LRRIQ1: variants seen among roughly 807,000 people sequenced by gnomAD.
LRRIQ1 encodes leucine-rich repeat- and IQ domain-containing protein 1.
A neutral mutation model predicts 211.9 loss-of-function variants in LRRIQ1; 210 were observed. The ratio of observed to expected loss-of-function variants is 0.99; its 90% CI spans 0.89 to 1.11. LRRIQ1 has a LOEUF of 1.11. Ranked by LOEUF, LRRIQ1 falls within the 50% of genes most tolerant of loss-of-function variation. The pLI is 0.00. For synonymous variants in LRRIQ1, 699 were observed against 650.1 expected (o/e 1.08, Z -1.14); for missense variants, 2,136 against 1,939.5 (o/e 1.10, Z -1.90).
At position 85,229,530 on chromosome 12, in the gene LRRIQ1, C is replaced by A. The variant is rs1894830865; in HGVS notation, c.4836C>A (p.Asp1612Glu). ...TTTCTTTCACAGGTATAGAAGAAGA[C>A]CCTATCCACAAAGATACCACTGCAA... ...RDGYFEGIEE[D>E]PIHKDTTANE... Residue 1612 changes from aspartate to glutamate, a missense_variant, in exon 25 of 27, where the codon GAC (aspartate) becomes GAA (glutamate). Transcript: ENST00000393217. 4 of 1,609,622 alleles carry A rather than the reference C, an allele frequency of 2.5e-6. No homozygotes were observed. Among genetic ancestry groups the A allele is most frequent in the East Asian group, 2.2e-5 (1 of 44,776 alleles).
At chr12:85,058,878 C>T (rs187422722) in intron 8 of LRRIQ1, among the ~76,000 whole-genome samples, 1 of 152,092 alleles carries the variant, frequency 6.6e-6, no homozygotes, top group Non-Finnish European at 1.5e-5. Flanking sequence ...TTCTAAAGGG[C>T]ACCATAATCC....
Position 85,254,349 on chromosome 12 carries a change from G to A in LRRIQ1, c.122-8566G>A, listed in dbSNP as rs1398373247. Among the ~76,000 whole-genome samples the A allele has an allele frequency of 4.6e-5, 7 of 152,108 alleles. No homozygotes were observed. In the East Asian group the frequency reaches 1.4e-3, roughly 29 times the overall value. On this transcript the variant is annotated intron_variant, in intron 1 of 1. Coordinates refer to the LRRIQ1 transcript ENST00000602731. The stretch of plus-strand genomic sequence containing the variant: ...GAAAAAAGTTTTTCCAAAGCTCCAT[G>A]ATGTTTAACTAGCATTTTGAACATT...
intron 24 of LRRIQ1, among the ~76,000 whole-genome samples, chr12:85,194,000 A>C (rs1892745636): frequency 7.3e-6 from 1 of 137,042 alleles, no homozygotes; most frequent in Non-Finnish European, 1.6e-5. Flanking sequence ...AATGGAAAAC[A>C]AAAAAAGGCA....
chr12:85,211,617 A>C (rs370560355), intron 24 of LRRIQ1, among the ~76,000 whole-genome samples: 1 of 152,182 alleles, frequency 6.6e-6, no homozygotes, highest in Non-Finnish European at 1.5e-5. Flanking sequence ...GAAATAACAA[A>C]GTGACAGTTA....
At chr12:85,223,032 G>A (rs1018439408) in intron 24 of LRRIQ1, among the ~76,000 whole-genome samples, 61 of 152,244 alleles carry the variant, frequency 4.0e-4, no homozygotes, top group African/African-American at 1.4e-3. Flanking sequence ...ATTGACTACA[G>A]ACTGAGTAAT....
intron 26 of LRRIQ1, among the ~76,000 whole-genome samples, chr12:85,235,506 C>T (rs112010822): frequency 2.8e-4 from 43 of 152,126 alleles, no homozygotes; most frequent in African/African-American, 9.9e-4. Context: ...TTTGGGTTGT[C>T]CTAGCTTGAG....
intron 11 of LRRIQ1, among the ~76,000 whole-genome samples, chr12:85,088,081 C>G (rs1380126295): frequency 3.9e-5 from 6 of 152,110 alleles, no homozygotes; most frequent in Non-Finnish European, 8.8e-5. Flanking sequence ...GGTTTTAGGT[C>G]TAACATGTAA....
At chr12:85,234,715 C>T (rs1008980736) in intron 26 of LRRIQ1, among the ~76,000 whole-genome samples, 1 of 152,028 alleles carries the variant, frequency 6.6e-6, no homozygotes, top group Non-Finnish European at 1.5e-5. Flanking sequence ...AAAGAAAAAA[C>T]CACTGCAACT....
intron 3 of LRRIQ1, among the ~76,000 whole-genome samples, chr12:85,040,856 C>A (rs1380851663): frequency 1.3e-5 from 2 of 151,334 alleles, no homozygotes; most frequent in Non-Finnish European, 3.0e-5. Context: ...TACCAGACAT[C>A]CTATTATTTT....
intron 11 of LRRIQ1, among the ~76,000 whole-genome samples, chr12:85,087,138 T>TG (rs1884914364): frequency 2.6e-5 from 4 of 151,730 alleles, no homozygotes; most frequent in African/African-American, 9.7e-5. Context: ...TCCCCCATCC[T>TG]GTGTCCAAGT....
chr12:85,057,507 A>AAACT (rs959385863), intron 8 of LRRIQ1, among the ~76,000 whole-genome samples: 4 of 152,050 alleles, frequency 2.6e-5, no homozygotes, highest in Non-Finnish European at 5.9e-5. Context: ...TTATAGTAGG[A>AAACT]AACTCCTAAG....
chr12:85,191,646 G>C (rs1892516122), intron 24 of LRRIQ1, among the ~76,000 whole-genome samples: 1 of 151,968 alleles, frequency 6.6e-6, no homozygotes. Flanking sequence ...TAAAATTTTT[G>C]TGAGTGCACA....
intron 8 of LRRIQ1, among the ~76,000 whole-genome samples, chr12:85,062,626 T>C (rs886147528): frequency 2.0e-5 from 3 of 151,582 alleles, no homozygotes; most frequent in Admixed American, 6.6e-5. Flanking sequence ...GTTGATTCCA[T>C]GTCTTTGGTA....
intron 11 of LRRIQ1, among the ~76,000 whole-genome samples, chr12:85,081,111 A>G (rs145476536): frequency 1.4e-4 from 22 of 152,248 alleles, no homozygotes; most frequent in African/African-American, 5.1e-4. Flanking sequence ...GCTGATCCCA[A>G]CCAAAAGTAA....
chr12:85,175,884 T>C (rs1891674583), intron 24 of LRRIQ1, among the ~76,000 whole-genome samples: 2 of 152,186 alleles, frequency 1.3e-5, no homozygotes, highest in African/African-American at 4.8e-5. Flanking sequence ...TTGGTACCAG[T>C]ACCATGCTTT....
At chr12:85,162,758 C>G (rs1384354413) in intron 24 of LRRIQ1, 3 of 455,834 alleles carry the variant, frequency 6.6e-6, no homozygotes, top group African/African-American at 6.0e-5. Context: ...TTTCTTTCCC[C>G]CAAGTGAATT....
At chr12:85,254,023 C>G (rs993355176) in intron 1 of LRRIQ1, among the ~76,000 whole-genome samples, 1 of 151,988 alleles carries the variant, frequency 6.6e-6, no homozygotes, top group East Asian at 1.9e-4. Flanking sequence ...GCGGCATCTC[C>G]CATGGTACCG....
At chr12:85,213,860 G>A (rs1022781649) in intron 24 of LRRIQ1, among the ~76,000 whole-genome samples, 5 of 151,872 alleles carry the variant, frequency 3.3e-5, no homozygotes, top group Admixed American at 1.3e-4. Flanking sequence ...TGTTCGAAAA[G>A]ACTAGTAAAT....
In LRRIQ1 at chr12:85,040,502, T is replaced by C; in HGVS notation, c.145T>C (p.Leu49=). The C allele has an allele frequency of 6.5e-7, 1 of 1,539,006 alleles. No individual in the cohort carries two copies. Among genetic ancestry groups the C allele is most frequent in the Non-Finnish European group, 8.8e-7 (1 of 1,142,634 alleles). ...TTCAAATTTTTAGGATTCAGTTGAA[T>C]TACCAGAATCAGTTCTTCACTGTAT... The part of the protein sequence containing the change: ...SDDSDTDSVE[L]PESVLHCINI... The change falls in exon 3 of 27, where the codon TTA becomes CTA. Residue 49 remains leucine (L), a synonymous_variant. Coordinates refer to ENST00000393217, the MANE Select transcript of LRRIQ1 (RefSeq NM_001079910.2).
Sources: allele counts gnomAD v4.1 joint callset (sites outside exome capture counted in the v4.1 genomes callset), GRCh38; gene constraint gnomAD v4.1.1; transcripts MANE v1.5; gene names NCBI Gene and HGNC (gene_info 2026-07-23, HGNC 2026-07-21).